LRRC4B: variants seen among roughly 807,000 people sequenced by gnomAD.
The protein encoded by LRRC4B is leucine-rich repeat-containing protein 4B.
Under a neutral mutation model 7.3 loss-of-function variants are expected in LRRC4B, and 1 was observed. That is an observed-to-expected ratio of 0.14 (90% CI 0.05 to 0.65). The LOEUF is 0.65. Ranked by LOEUF, LRRC4B falls within the 30% of genes least tolerant of loss-of-function variation. The pLI is 0.84. For missense variants in LRRC4B, 730 were observed against 1,041.6 expected, an observed-to-expected ratio of 0.70 and a Z score of 4.12; for synonymous variants, 500 against 499.2, an observed-to-expected ratio of 1.00 and a Z score of -0.02.
intron 2 of LRRC4B, among the ~76,000 whole-genome samples, chr19:50,544,872 T>C (rs1007751671): frequency 6.6e-6 from 1 of 151,674 alleles, no homozygotes; most frequent in Non-Finnish European, 1.5e-5. Context: ...CTGGGAAACA[T>C]AGTGAGACCC....
At chr19:50,566,151 G>A (rs1982621050) in intron 1 of LRRC4B, among the ~76,000 whole-genome samples, 1 of 140,012 alleles carries the variant, frequency 7.1e-6, no homozygotes, top group Admixed American at 7.6e-5. Flanking sequence ...GGCTGCGGAA[G>A]ATGCTACAGG....
chr19:50,518,195 C>A lies in LRRC4B; in HGVS notation c.1518G>T (p.Pro506=). 1 of 1,608,486 alleles carries A rather than the reference C, an allele frequency of 6.2e-7. No individual in the cohort carries two copies. The highest frequency in any genetic ancestry group is 8.5e-7 in the Non-Finnish European group (1 of 1,178,792). The change falls in exon 3 of 3, where the codon CCG becomes CCT. Residue 506 remains proline (P), a synonymous_variant. Coordinates refer to ENST00000652263, the MANE Select transcript of LRRC4B (RefSeq NM_001080457.2). ...CTGGCGGTTCCTTCTCCGTCCCCCGCGGCTGCAGGGCCTCCTCTCCGGGCT... is the reference window on the plus strand; with the variant it reads ...CTGGCGGTTCCTTCTCCGTCCCCCGAGGCTGCAGGGCCTCCTCTCCGGGCT... ...ETQPGEEALQ[P]RGTEKEPPGP... is the part of the protein sequence containing the mutation.
chr19:50,525,148 C>T (rs1275019329), intron 2 of LRRC4B, among the ~76,000 whole-genome samples: 2 of 152,148 alleles, frequency 1.3e-5, no homozygotes, highest in African/African-American at 2.4e-5. Context: ...GTTCAAATCC[C>T]GCCTCCCCCG....
At chr19:50,527,372 G>C (rs1980858802) in intron 2 of LRRC4B, among the ~76,000 whole-genome samples, 2 of 143,836 alleles carry the variant, frequency 1.4e-5, no homozygotes, top group South Asian at 4.5e-4. Context: ...TTTTTTAGTA[G>C]AGAGGGGGTT....
In LRRC4B at chr19:50,555,063, G is replaced by A. The variant is rs1195680515; in HGVS notation, c.-35-6190C>T. Among the ~76,000 whole-genome samples the A allele has an allele frequency of 2.6e-5, 4 of 152,178 alleles. No individual in the cohort carries two copies. Among genetic ancestry groups the A allele is most frequent in the South Asian group, 2.1e-4 (1 of 4,830 alleles). ...GCCCGACACCCCACCACGGCTTCAC[G>A]CCCGGCTGGCAGAGGCTCCATGGAC... On this transcript the variant is annotated intron_variant, in intron 1 of 2. Transcript: ENST00000652263. This position sits in a 1 kb window ranked among gnomAD's most constrained non-coding sequence, Gnocchi z 5.2.
Position 50,518,241 on chromosome 19 carries a change from G to A in LRRC4B, c.1472C>T (p.Thr491Ile). The A allele has an allele frequency of 6.2e-7, 1 of 1,607,440 alleles. No individual in the cohort carries two copies. Among genetic ancestry groups the A allele is most frequent in the Non-Finnish European group, 8.5e-7 (1 of 1,177,862 alleles). ...GGGCTGCGTCTCCAGGGTCTCCACGGTCACCGTGGTGAAGTAGGTGTAGCC... is the reference window on the plus strand; with the variant it reads ...GGGCTGCGTCTCCAGGGTCTCCACGATCACCGTGGTGAAGTAGGTGTAGCC... ...SGGYTYFTTV[T>I]VETLETQPGE... The change falls in exon 3 of 3, where the codon ACC (threonine) becomes ATC (isoleucine). Residue 491 changes from threonine to isoleucine, a missense_variant. Transcript: ENST00000652263.
chr19:50,520,182 G>A (rs1980491848), intron 2 of LRRC4B, among the ~76,000 whole-genome samples: 1 of 106,870 alleles, frequency 9.4e-6, no homozygotes, highest in Non-Finnish European at 1.7e-5. Flanking sequence ...CTCCAGCCTG[G>A]GCAATGAAGT....
intron 2 of LRRC4B, among the ~76,000 whole-genome samples, chr19:50,529,665 C>T (rs778185160): frequency 3.3e-4 from 50 of 151,962 alleles, no homozygotes; most frequent in African/African-American, 9.4e-4. Context: ...ATTAGCTGGG[C>T]GTGATGATGC....
At chr19:50,560,646 A>T (rs1475761381) in intron 1 of LRRC4B, among the ~76,000 whole-genome samples, 1 of 151,260 alleles carries the variant, frequency 6.6e-6, no homozygotes, top group Non-Finnish European at 1.5e-5. Context: ...CTGGGTTGAA[A>T]CTCTGGCTGG....
chr19:50,549,318 G>A (rs1306074902), intron 1 of LRRC4B, among the ~76,000 whole-genome samples: 1 of 152,196 alleles, frequency 6.6e-6, no homozygotes, highest in Admixed American at 6.5e-5. Flanking sequence ...GAGGTGGCGA[G>A]GACCTCGCTC....
At chr19:50,530,090 C>T (rs1150927) in intron 2 of LRRC4B, among the ~76,000 whole-genome samples, 82,292 of 151,700 alleles carry the variant, frequency 0.54, 22,371 homozygotes, top group Middle Eastern at 0.66. Flanking sequence ...TGCCTTGCAG[C>T]GCACTCCCCC....
At chr19:50,551,880 T>C (rs1324935717) in intron 1 of LRRC4B, among the ~76,000 whole-genome samples, 8 of 146,870 alleles carry the variant, frequency 5.4e-5, no homozygotes, top group Non-Finnish European at 1.0e-4. Flanking sequence ...CCTCCCTCCT[T>C]CTTTCTCTCC....
chr19:50,519,310 T>C lies in LRRC4B; in HGVS notation c.403A>G (p.Ser135Gly). Residue 135 changes from serine (S) to glycine (G), a missense_variant, in exon 3 of 3, where the codon AGC becomes GGC. This residue lies in a region of LRRC4B where 226 missense variants were observed against 448.0 expected (regional missense o/e 0.50). Transcript: ENST00000652263. The surrounding 1 kb of genome is among the most constrained non-coding windows in gnomAD (Gnocchi z 8.1). ...IEVGAFNGLP[S>G]LNTLELFDNR... ...TCAAAAAGCTCCAGCGTGTTGAGGC[T>C]GGGCAGCCCGTTGAAGGCGCCCACC... 6.2e-7 allele frequency: 1 copy of C among 1,613,800 alleles called. No homozygotes were observed. Among genetic ancestry groups the C allele is most frequent in the Non-Finnish European group, 8.5e-7 (1 of 1,180,024 alleles).
chr19:50,526,681 A>C (rs1442095727), intron 2 of LRRC4B, among the ~76,000 whole-genome samples: 1 of 152,242 alleles, frequency 6.6e-6, no homozygotes, highest in Non-Finnish European at 1.5e-5. Flanking sequence ...TGTTTCTAAA[A>C]TTAAAAAAAT....
intron 2 of LRRC4B, among the ~76,000 whole-genome samples, chr19:50,542,640 C>T (rs1981602213): frequency 6.6e-6 from 1 of 152,028 alleles, no homozygotes; most frequent in Non-Finnish European, 1.5e-5. Context: ...CTATGCCTGG[C>T]TAATTTTGGT....
chr19:50,529,336 G>C (rs1980952312), intron 2 of LRRC4B, among the ~76,000 whole-genome samples: 1 of 152,052 alleles, frequency 6.6e-6, no homozygotes, highest in Non-Finnish European at 1.5e-5. Flanking sequence ...TACACATGGG[G>C]CCCTTCTCAC....
chr19:50,563,625 T>G lies in LRRC4B; in HGVS notation c.-36+4319A>C, dbSNP rs1982538475. ...CTCTGGGGCCAAATGTGCAGCCTGG[T>G]GTACAGAGAAGCCCACCCCCTGCCT... On this transcript the variant is annotated intron_variant, in intron 1 of 2. Transcript: ENST00000652263. This position sits in a 1 kb window ranked among gnomAD's most constrained non-coding sequence, Gnocchi z 4.9. 6.6e-6 allele frequency among the ~76,000 whole-genome samples: 1 copy of G among 152,076 alleles called. No homozygotes were observed. Among genetic ancestry groups the G allele is most frequent in the Admixed American group, 6.5e-5 (1 of 15,272 alleles).
At chr19:50,565,561 G>GTA (rs1982602341) in intron 1 of LRRC4B, among the ~76,000 whole-genome samples, 2 of 147,656 alleles carry the variant, frequency 1.4e-5, no homozygotes, top group Admixed American at 1.4e-4. Flanking sequence ...GTGTGTGTGT[G>GTA]TACCTGCCAG....
intron 2 of LRRC4B, among the ~76,000 whole-genome samples, chr19:50,533,836 G>T (rs1981155197): frequency 6.6e-6 from 1 of 152,166 alleles, no homozygotes; most frequent in African/African-American, 2.4e-5. Context: ...CTGAGAAAAT[G>T]AAGGTTCAGA....
Sources: gnomAD v4.1 joint callset for allele counts (sites outside exome capture counted in the v4.1 genomes callset) on GRCh38, gnomAD v4.1.1 for gene constraint, gnomAD v4.1.1 regional missense constraint, Gnocchi (gnomAD v3.1) non-coding constraint, MANE v1.5 for transcripts, NCBI Gene and HGNC (gene_info 2026-07-23, HGNC 2026-07-21) for gene names.